Variants in SUSD1 observed in about 807,000 individuals in gnomAD.
SUSD1 encodes the protein sushi domain containing 1, also known as sushi domain-containing protein 1.
A neutral mutation model predicts 86.9 loss-of-function variants in SUSD1; 65 were observed. That is an observed-to-expected ratio of 0.75 (90% CI 0.61 to 0.92). SUSD1 has a LOEUF of 0.92. Among genes scored for constraint, SUSD1 ranks in the 40% least tolerant of loss-of-function variants. The pLI is 0.00. For missense variants in SUSD1, 850 were observed against 929.7 expected (o/e 0.91, Z 1.11); for synonymous variants, 346 against 350.0 (o/e 0.99, Z 0.13).
intron 5 of SUSD1, among the ~76,000 whole-genome samples, chr9:112,139,670 T>TA (rs1466820882): frequency 6.6e-6 from 1 of 151,634 alleles, no homozygotes; most frequent in Non-Finnish European, 1.5e-5. Context: ...GTGCTGGAAT[T>TA]ACAGACATGA....
At chr9:112,114,268 A>T (rs1012318356) in intron 6 of SUSD1, among the ~76,000 whole-genome samples, 2 of 152,190 alleles carry the variant, frequency 1.3e-5, no homozygotes, top group African/African-American at 2.4e-5. Context: ...TGGTCACCTG[A>T]AGTCAGGAGT....
At chr9:112,057,079 C>T (rs576891360) in intron 14 of SUSD1, among the ~76,000 whole-genome samples, 19 of 152,132 alleles carry the variant, frequency 1.2e-4, no homozygotes, top group East Asian at 7.7e-4. Context: ...GGAGCCCTCA[C>T]GATGGGATAA....
chr9:112,081,029 G>A (rs956033390), intron 10 of SUSD1, among the ~76,000 whole-genome samples: 2 of 152,188 alleles, frequency 1.3e-5, no homozygotes, highest in Non-Finnish European at 2.9e-5. Context: ...CAATCTAAAA[G>A]ACAGTTCAGA....
chr9:112,098,703 A>G (rs1436317209), intron 9 of SUSD1, 41 bp from the exon 10 acceptor site: 1 of 1,591,826 alleles, frequency 6.3e-7, no homozygotes, highest in East Asian at 2.2e-5. Flanking sequence ...TAGATTTTCC[A>G]TTGACTAACA....
At chr9:112,148,307 C>T (rs997800506) in intron 3 of SUSD1, among the ~76,000 whole-genome samples, 9 of 152,056 alleles carry the variant, frequency 5.9e-5, no homozygotes, top group East Asian at 1.9e-4. Context: ...ACAGAGGAGC[C>T]GCTAAAAATT....
chr9:112,087,808 A>G (rs1830045960), intron 10 of SUSD1, among the ~76,000 whole-genome samples: 1 of 152,234 alleles, frequency 6.6e-6, no homozygotes, highest in Non-Finnish European at 1.5e-5. Context: ...ATTAGTGTTT[A>G]AAACTACAAT....
chr9:112,146,754 G>A (rs1258487241), intron 3 of SUSD1, among the ~76,000 whole-genome samples: 1 of 152,020 alleles, frequency 6.6e-6, no homozygotes, highest in Non-Finnish European at 1.5e-5. Context: ...TCCCACCTCA[G>A]CCTTCCAAGT....
chr9:112,156,161 T>TTA (rs1564347981), intron 2 of SUSD1, among the ~76,000 whole-genome samples: 1 of 136,990 alleles, frequency 7.3e-6, no homozygotes, highest in African/African-American at 2.7e-5. Context: ...AAAATAAAGG[T>TTA]AAAAAAAAAA....
chr9:112,124,236 A>C (rs1272475483), intron 6 of SUSD1, 21 bp downstream of exon 6: 2 of 1,587,706 alleles, frequency 1.3e-6, no homozygotes, highest in Admixed American at 3.5e-5. Flanking sequence ...GGGTAGCAGG[A>C]GCCCAGAACA....
rs371701308 is a variant in SUSD1, at chr9:112,153,759, G to A, written c.217+3741C>T. On this transcript the variant is annotated intron_variant, in intron 2 of 16. Coordinates refer to ENST00000374270, the MANE Select transcript of SUSD1 (RefSeq NM_022486.5). ...CTCCTGAGTAGCTGAGATTACAGGC[G>A]CCTGCCACCATGCCTGGCTAATTTT... 2.1e-3 allele frequency among the ~76,000 whole-genome samples: 322 copies of A among 151,832 alleles called. 6 individuals are homozygous for A. The South Asian group carries it at 0.043, about 20-fold the overall frequency.
At chr9:112,061,287 G>C (rs1828713590) in intron 13 of SUSD1, among the ~76,000 whole-genome samples, 1 of 152,212 alleles carries the variant, frequency 6.6e-6, no homozygotes, top group African/African-American at 2.4e-5. Flanking sequence ...CACTGGCAAA[G>C]CTGCTGCCCC....
In SUSD1 at chr9:112,142,501, T is replaced by C. The variant is rs1043424190; in HGVS notation, c.527-2A>G. On this transcript the variant is annotated splice_acceptor_variant, in intron 4 of 16. Coordinates refer to ENST00000374270, the MANE Select transcript of SUSD1 (RefSeq NM_022486.5). LOFTEE classifies it high-confidence loss of function. The stretch of plus-strand genomic sequence containing the variant: ...CAGGAGGGGTACCACAGTCTATTTC[T>C]GAAAATAAATTAATGTCAAATTCAT... The C allele has an allele frequency of 1.2e-6, 2 of 1,601,476 alleles. No individual in the cohort carries two copies. The highest frequency in any genetic ancestry group is 1.7e-6 in the Non-Finnish European group (2 of 1,177,242).
In SUSD1 at chr9:112,157,570, C is replaced by T. The variant is rs775644972; in HGVS notation, c.147G>A (p.Gln49=). ...CATCHEHATC[Q]QREGKKICIC... Reference sequence around the variant, plus strand: ...TACAGATCTTCTTCCCTTCTCTTTGCTGGCATGTGGCATGTTCATGGCAAG... The same window carrying T: ...TACAGATCTTCTTCCCTTCTCTTTGTTGGCATGTGGCATGTTCATGGCAAG... Residue 49 remains glutamine (Q), a synonymous_variant, in exon 2 of 17, where the codon CAG becomes CAA. Coordinates refer to ENST00000374270, the MANE Select transcript of SUSD1 (RefSeq NM_022486.5). The T allele has an allele frequency of 6.2e-7, 1 of 1,614,140 alleles. No homozygotes were observed. Among genetic ancestry groups the T allele is most frequent in the South Asian group, 1.1e-5 (1 of 91,092 alleles).
intron 6 of SUSD1, among the ~76,000 whole-genome samples, chr9:112,122,529 A>C (rs972956935): frequency 5.9e-5 from 5 of 84,798 alleles, no homozygotes; most frequent in Non-Finnish European, 1.1e-4. Flanking sequence ...TCCTGACCTC[A>C]AGTGATCCAC....
chr9:112,074,794 G>GT lies in SUSD1; in HGVS notation c.1753+3743dup, dbSNP rs201701501. Among the ~76,000 whole-genome samples the GT allele has an allele frequency of 9.6e-3, 1,318 of 136,998 alleles. 12 individuals carry two copies. Among genetic ancestry groups the GT allele is most frequent in the South Asian group, 0.03 (129 of 4,246 alleles). The allele number at this position is 136,998 out of a possible 152,430, so 89.9% of individuals were successfully genotyped here. On this transcript the variant is annotated intron_variant, in intron 12 of 16. Coordinates refer to ENST00000374270, the MANE Select transcript of SUSD1 (RefSeq NM_022486.5). ...CTCCTTTTATAAAAGAAAGGGGTTGGTTTTTTTTTTTTTTTAACTCTTTCA... is the reference window on the plus strand; with the variant it reads ...CTCCTTTTATAAAAGAAAGGGGTTGGTTTTTTTTTTTTTTTTAACTCTTTCA...
Position 112,101,088 on chromosome 9 carries a change from G to A in SUSD1, c.1281+1088C>T, listed in dbSNP as rs541862910. Among the ~76,000 whole-genome samples the A allele has an allele frequency of 4.1e-4, 62 of 151,610 alleles. 1 individual carries two copies. In the South Asian group the frequency reaches 8.6e-3, roughly 21 times the overall value. ...TAAATTAATTAATTTTGGCCTGGGC[G>A]CGGTGGCTCACACCTGTAATCCCAG... On this transcript the variant is annotated intron_variant, in intron 9 of 16. Coordinates refer to ENST00000374270, the MANE Select transcript of SUSD1 (RefSeq NM_022486.5).
At chr9:112,106,563 G>C (rs1830849215) in intron 8 of SUSD1, among the ~76,000 whole-genome samples, 1 of 151,892 alleles carries the variant, frequency 6.6e-6, no homozygotes. Context: ...AAGACTGTCA[G>C]TAAGCACTGA....
chr9:112,151,262 T>A (rs1340754643), intron 2 of SUSD1, among the ~76,000 whole-genome samples: 1 of 152,136 alleles, frequency 6.6e-6, no homozygotes, highest in Non-Finnish European at 1.5e-5. Flanking sequence ...TACTGTAAAC[T>A]TTCTAAACAC....
At chr9:112,134,320 C>G (rs76348711) in intron 5 of SUSD1, among the ~76,000 whole-genome samples, 1 of 152,098 alleles carries the variant, frequency 6.6e-6, no homozygotes, top group Non-Finnish European at 1.5e-5. Context: ...ACCTAGATGC[C>G]CATCAGTGGT....
Sources: gnomAD v4.1 joint callset for allele counts (sites outside exome capture counted in the v4.1 genomes callset) on GRCh38, gnomAD v4.1.1 for gene constraint, MANE v1.5 for transcripts, NCBI Gene and HGNC (gene_info 2026-07-23, HGNC 2026-07-21) for gene names.